Variants in OPN3 observed in about 807,000 individuals in gnomAD.
OPN3 encodes opsin-3.
Under a neutral mutation model 33.8 loss-of-function variants are expected in OPN3, and 29 were observed. The ratio of observed to expected loss-of-function variants is 0.86; its 90% confidence interval spans 0.64 to 1.17. OPN3 has a LOEUF of 1.17. OPN3 is among the 50% of genes most tolerant of loss of function. The pLI, the probability that OPN3 is intolerant of heterozygous loss-of-function variation, is 0.00. For synonymous variants in OPN3, 216 were observed against 216.1 expected (o/e 1.00, Z 0.00); for missense variants, 437 against 514.1 (o/e 0.85, Z 1.45).
chr1:241,593,141 T>C lies in OPN3; in HGVS notation c.*1287A>G, dbSNP rs1663380152. 3 of 231,400 alleles carry C rather than the reference T, an allele frequency of 1.3e-5. No homozygotes were observed. Among genetic ancestry groups the C allele is most frequent in the South Asian group, 5.5e-5 (1 of 18,118 alleles). The allele number at this position is 231,400 out of a possible 1,614,324, so 14.3% of individuals were successfully genotyped here. On this transcript the variant is annotated 3_prime_UTR_variant, in exon 4 of 4. Coordinates refer to ENST00000366554, the MANE Select transcript of OPN3 (RefSeq NM_014322.3). ...ATACTAAGTGAAGGACAGGAAAGGG[T>C]TTTATTCATAAATTAAATGTCTACA...
rs1446652911 is a variant in OPN3, at chr1:241,593,735, C to T, written c.*693G>A. ...TGGCTTATATAGCATCGACAAAGAA[C>T]AGTAAATTTTTAGAGAAACAACAAA... On this transcript the variant is annotated 3_prime_UTR_variant, in exon 4 of 4. Coordinates refer to ENST00000366554, the MANE Select transcript of OPN3 (RefSeq NM_014322.3). The T allele has an allele frequency of 1.3e-5, 2 of 154,648 alleles. No individual in the cohort carries two copies. Among genetic ancestry groups the T allele is most frequent in the Non-Finnish European group, 2.9e-5 (2 of 69,618 alleles). 9.6% of individuals were successfully genotyped at this position (154,648 alleles called of 1,614,324 possible). A position where few individuals can be genotyped will look rare whatever the true frequency, so the allele number is the denominator to read the frequency against.
At position 241,604,517 on chromosome 1, in the gene OPN3, C is replaced by A. The variant is rs779018339; in HGVS notation, c.436G>T (p.Ala146Ser). The A allele has an allele frequency of 3.1e-5, 50 of 1,614,000 alleles. No individual in the cohort carries two copies. The highest frequency in any genetic ancestry group is 4.0e-5 in the Non-Finnish European group (47 of 1,180,032). The change falls in exon 2 of 4, where the codon GCC (alanine) becomes TCC (serine). Residue 146 changes from alanine to serine, a missense_variant. Ala to Ser is a moderately conservative substitution (Grantham distance 99). Coordinates refer to ENST00000366554, the MANE Select transcript of OPN3 (RefSeq NM_014322.3). ...GCCCAGGAAAAATTGATCACTCTGG[C>A]ATGGACCACGCGAATGTAACGTTCA... is the stretch of plus-strand genomic sequence containing the variant. ...AYERYIRVVH[A>S]RVINFSWAWR...
chr1:241,606,230 C>A (rs1359222819), intron 1 of OPN3, among the ~76,000 whole-genome samples: 3 of 152,044 alleles, frequency 2.0e-5, no homozygotes, highest in Admixed American at 2.0e-4. Flanking sequence ...GCGTGAGGGG[C>A]GAGAGGAGTT....
At chr1:241,607,146 C>A (rs1053076489) in intron 1 of OPN3, among the ~76,000 whole-genome samples, 1 of 151,952 alleles carries the variant, frequency 6.6e-6, no homozygotes, top group East Asian at 1.9e-4. Flanking sequence ...AATTAATAAG[C>A]GAAATTTACT....
intron 1 of OPN3, among the ~76,000 whole-genome samples, chr1:241,626,760 A>T (rs1334158227): frequency 6.6e-6 from 1 of 152,240 alleles, no homozygotes; most frequent in African/African-American, 2.4e-5. Context: ...GGTAATATTT[A>T]CTTTTATGTC....
chr1:241,600,285 T>A (rs1433916763), intron 2 of OPN3: 1 of 152,244 alleles, frequency 6.6e-6, no homozygotes, highest in African/African-American at 2.4e-5. Flanking sequence ...TATTTTTTAT[T>A]TATCTTTTTC....
chr1:241,614,998 T>C (rs112464543), intron 1 of OPN3, among the ~76,000 whole-genome samples: 1,605 of 152,300 alleles, frequency 0.011, 22 homozygotes, highest in African/African-American at 0.036. Flanking sequence ...TCCACACTTA[T>C]GCCTCTGCTC....
intron 3 of OPN3, among the ~76,000 whole-genome samples, chr1:241,596,707 C>A (rs2147994860): frequency 6.6e-6 from 1 of 152,306 alleles, no homozygotes; most frequent in South Asian, 2.1e-4. Flanking sequence ...TTATCTTTAA[C>A]TTTTAAATTC....
intron 2 of OPN3, among the ~76,000 whole-genome samples, chr1:241,599,934 T>C (rs573747144): frequency 1.3e-5 from 2 of 152,324 alleles, no homozygotes; most frequent in Non-Finnish European, 2.9e-5. Flanking sequence ...TATGTATATG[T>C]ACATTTATGA....
chr1:241,596,378 G>A (rs1312571154), intron 3 of OPN3, among the ~76,000 whole-genome samples: 4 of 152,180 alleles, frequency 2.6e-5, no homozygotes, highest in African/African-American at 9.7e-5. Flanking sequence ...GAATGTTTAG[G>A]TCCTATGGAC....
At chr1:241,606,546 A>AAAAG (rs1663834498) in intron 1 of OPN3, among the ~76,000 whole-genome samples, 1 of 142,038 alleles carries the variant, frequency 7.0e-6, no homozygotes. Context: ...ACTCTGATTC[A>AAAAG]AAATAAATAA....
chr1:241,631,526 C>A (rs1025356809), intron 1 of OPN3: 1 of 151,982 alleles, frequency 6.6e-6, no homozygotes, highest in Non-Finnish European at 1.5e-5. Context: ...AAAGTCAATA[C>A]AATCCATGAC....
At chr1:241,617,454 A>G (rs190588612) in intron 1 of OPN3, among the ~76,000 whole-genome samples, 439 of 152,342 alleles carry the variant, frequency 2.9e-3, no homozygotes, top group Non-Finnish European at 4.8e-3. Context: ...ATATCCCAGA[A>G]GAGCAAATGA....
rs779187246 is a variant in OPN3 at position 241,594,659 on chromosome 1, G to A, written c.978C>T (p.Leu326=). 1.5e-5 allele frequency: 25 copies of A among 1,613,950 alleles called. No individual in the cohort carries two copies. The highest frequency in any genetic ancestry group is 1.9e-5 in the Non-Finnish European group (23 of 1,179,956). ...FRRSLLQLLC[L]RLLRCQRPAK... ...CAGGCCTCTGGCACCTCAGCAGTCG[G>A]AGGCACAGAAGCTGCAAAAGGGATC... Residue 326 remains leucine, a synonymous_variant, in exon 4 of 4, where the codon CTC becomes CTT. Transcript: ENST00000366554.
At chr1:241,609,327 C>A (rs1289328404) in intron 1 of OPN3, among the ~76,000 whole-genome samples, 1 of 152,200 alleles carries the variant, frequency 6.6e-6, no homozygotes, top group African/African-American at 2.4e-5. Flanking sequence ...GAATTGATGT[C>A]TCCACCAACA....
Position 241,594,160 on chromosome 1 carries a change from C to T in OPN3, c.*268G>A, listed in dbSNP as rs1663421437. On this transcript the variant is annotated 3_prime_UTR_variant, in exon 4 of 4. Coordinates refer to ENST00000366554, the MANE Select transcript of OPN3 (RefSeq NM_014322.3). Reference sequence around the variant, plus strand: ...AAAAATATATTTGAAATGAAAATCTCCAACACATTAGAAGATGATGATGTT... The same window carrying T: ...AAAAATATATTTGAAATGAAAATCTTCAACACATTAGAAGATGATGATGTT... 2.7e-6 allele frequency: 1 copy of T among 375,726 alleles called. No homozygotes were observed. Among genetic ancestry groups the T allele is most frequent in the African/African-American group, 2.1e-5 (1 of 47,926 alleles). The allele number at this position is 375,726 out of a possible 1,614,324, so 23.3% of individuals were successfully genotyped here.
chr1:241,631,085 C>T (rs1011531989), intron 1 of OPN3: 2 of 152,068 alleles, frequency 1.3e-5, no homozygotes, highest in African/African-American at 4.8e-5. Flanking sequence ...AAAAAGTTCA[C>T]CAGTAAGTCC....
intron 1 of OPN3, among the ~76,000 whole-genome samples, chr1:241,610,250 T>A (rs767039099): frequency 5.9e-5 from 9 of 152,148 alleles, no homozygotes; most frequent in Non-Finnish European, 1.2e-4. Flanking sequence ...TCTGCCTGAA[T>A]TGCTGCCAAA....
intron 1 of OPN3, chr1:241,615,781 T>C (rs901753848): frequency 7.5e-5 from 34 of 450,420 alleles, no homozygotes; most frequent in South Asian, 5.3e-4. Flanking sequence ...TTTGCCTTGC[T>C]TCCCAGCAGC....
Sources: gnomAD v4.1 joint callset for allele counts (sites outside exome capture counted in the v4.1 genomes callset) on GRCh38, gnomAD v4.1.1 for gene constraint, MANE v1.5 for transcripts, NCBI Gene and HGNC (gene_info 2026-07-23, HGNC 2026-07-21) for gene names.